GRIN2B: variants seen among roughly 807,000 people sequenced by gnomAD.
GRIN2B encodes the protein glutamate receptor ionotropic, NMDA 2B.
A neutral mutation model predicts 114.5 loss-of-function variants in GRIN2B; 5 were observed. The observed-to-expected ratio is 0.04, with a 90% CI of 0.02 to 0.09. GRIN2B has a LOEUF of 0.09. GRIN2B is among the 10% of genes least tolerant of loss of function. GRIN2B has a pLI of 1.00. For missense variants in GRIN2B, 1,108 were observed against 1,943.5 expected (o/e 0.57, Z 8.08); for synonymous variants, 787 against 745.1 (o/e 1.06, Z -0.92).
intron 12 of GRIN2B, 93 bp from the exon 13 acceptor site, chr12:13,567,356 G>C (rs1948654912): frequency 3.7e-6 from 3 of 816,344 alleles, no homozygotes; most frequent in Non-Finnish European, 6.2e-6. Context: ...GCAAGAAAGA[G>C]AAAGATACGT....
intron 10 of GRIN2B, among the ~76,000 whole-genome samples, chr12:13,587,471 C>T (rs1450699715): frequency 6.6e-6 from 1 of 151,950 alleles, no homozygotes; most frequent in African/African-American, 2.4e-5. Context: ...CTTCCCACCT[C>T]AGCCTCCCAA....
chr12:13,824,583 G>A (rs1314506523), intron 3 of GRIN2B, among the ~76,000 whole-genome samples: 4 of 152,032 alleles, frequency 2.6e-5, no homozygotes, highest in Admixed American at 6.5e-5. Context: ...GGCCAGGCGC[G>A]GTGGCTCACG....
Position 13,559,575 on chromosome 12 carries a change from C to A in GRIN2B, c.*3208G>T, listed in dbSNP as rs745331687. On this transcript the variant is annotated 3_prime_UTR_variant, in exon 14 of 14. Transcript: ENST00000609686. ...ACATACCCACCCTCCCACGTCTAAACCTAACTTCAGCAATCTTGCTAAGGG... is the reference window on the plus strand; with the variant it reads ...ACATACCCACCCTCCCACGTCTAAAACTAACTTCAGCAATCTTGCTAAGGG... 2.6e-5 allele frequency: 4 copies of A among 152,236 alleles called. No individual in the cohort carries two copies. The highest frequency in any genetic ancestry group is 1.5e-5 in the Non-Finnish European group (1 of 68,038). The allele number at this position is 152,236 out of a possible 1,614,324, so 9.4% of individuals were successfully genotyped here. A position where few individuals can be genotyped will look rare whatever the true frequency, so the allele number is the denominator to read the frequency against.
chr12:13,769,630 A>G (rs1377461407), intron 3 of GRIN2B, among the ~76,000 whole-genome samples: 5 of 152,242 alleles, frequency 3.3e-5, no homozygotes, highest in African/African-American at 1.2e-4. Context: ...TTGAAGATTT[A>G]TAGTTTGCTT....
chr12:13,845,105 A>G (rs1865446786), intron 3 of GRIN2B, among the ~76,000 whole-genome samples: 1 of 152,164 alleles, frequency 6.6e-6, no homozygotes, highest in Non-Finnish European at 1.5e-5. Flanking sequence ...GGAGGAAATA[A>G]AAGAACTATC....
chr12:13,550,228 A>C lies in GRIN2B; in HGVS notation c.*12555T>G, dbSNP rs893626247. On this transcript the variant is annotated 3_prime_UTR_variant, in exon 14 of 14. Transcript: ENST00000609686. ...ACATACCAACTACTGTGATTTACTC[A>C]GAATGTACCATAGGCTAAGTGTGGT... 56 of 152,204 alleles carry C rather than the reference A, an allele frequency of 3.7e-4. No individual in the cohort carries two copies. Among genetic ancestry groups the C allele is most frequent in the African/African-American group, 1.4e-3 (56 of 41,454 alleles). The allele number at this position is 152,204 out of a possible 1,614,324, so 9.4% of individuals were successfully genotyped here. A position where few individuals can be genotyped will look rare whatever the true frequency, so the allele number is the denominator to read the frequency against.
intron 4 of GRIN2B, among the ~76,000 whole-genome samples, chr12:13,688,463 A>T (rs1950189220): frequency 6.6e-6 from 1 of 152,126 alleles, no homozygotes; most frequent in Admixed American, 6.6e-5. Context: ...TAATTAGAGA[A>T]CCCCAGTCTC....
At chr12:13,949,422 G>A (rs567410387) in intron 2 of GRIN2B, among the ~76,000 whole-genome samples, 14 of 152,230 alleles carry the variant, frequency 9.2e-5, no homozygotes, top group African/African-American at 3.1e-4. Flanking sequence ...CTCCAGGGTT[G>A]CTACAGGTTT....
In GRIN2B at chr12:13,663,334, T is replaced by G. The variant is rs150791979; in HGVS notation, c.1125+12411A>C. 1.9e-4 allele frequency among the ~76,000 whole-genome samples: 29 copies of G among 152,240 alleles called. No homozygotes were observed. The East Asian group carries it at 3.9e-3, about 20-fold the overall frequency. Reference sequence around the variant, plus strand: ...TATCTGCTGCAGAATAAGGAAGACATAAAGGGAAAATTGGCAATTCTTTAA... The same window carrying G: ...TATCTGCTGCAGAATAAGGAAGACAGAAAGGGAAAATTGGCAATTCTTTAA... On this transcript the variant is annotated intron_variant, in intron 5 of 13. Transcript: ENST00000609686.
chr12:13,793,190 TGAGGCCAGGAGCTC>T (rs1237092706), intron 3 of GRIN2B, among the ~76,000 whole-genome samples: 4 of 152,168 alleles, frequency 2.6e-5, no homozygotes, highest in African/African-American at 7.2e-5. Flanking sequence ...GCAGATGGCA[TGAGGCCAGGAGCTC>T]GAGGCCAGGA....
At chr12:13,654,587 C>A (rs969115766) in intron 5 of GRIN2B, among the ~76,000 whole-genome samples, 7 of 152,108 alleles carry the variant, frequency 4.6e-5, no homozygotes, top group African/African-American at 1.7e-4. Flanking sequence ...CTGCTGGCTG[C>A]CAATGCGTCA....
At chr12:13,914,755 C>T (rs1866683919) in intron 2 of GRIN2B, among the ~76,000 whole-genome samples, 1 of 152,128 alleles carries the variant, frequency 6.6e-6, no homozygotes, top group African/African-American at 2.4e-5. Flanking sequence ...AAAATGAAGT[C>T]CTGTCATTTG....
At chr12:13,935,146 A>C (rs985996338) in intron 2 of GRIN2B, among the ~76,000 whole-genome samples, 1 of 152,224 alleles carries the variant, frequency 6.6e-6, no homozygotes, top group Non-Finnish European at 1.5e-5. Flanking sequence ...AGATTAACTT[A>C]GGGTTTTAAA....
chr12:13,822,730 A>T (rs568322100), intron 3 of GRIN2B, among the ~76,000 whole-genome samples: 8 of 152,270 alleles, frequency 5.3e-5, no homozygotes, highest in African/African-American at 1.9e-4. Flanking sequence ...ACACATTTTA[A>T]GTCAAAATAT....
At chr12:13,721,722 A>T (rs1862883441) in intron 4 of GRIN2B, among the ~76,000 whole-genome samples, 1 of 152,058 alleles carries the variant, frequency 6.6e-6, no homozygotes, top group Non-Finnish European at 1.5e-5. Context: ...CAAGTTGTAG[A>T]TGTGTACCTG....
intron 3 of GRIN2B, among the ~76,000 whole-genome samples, chr12:13,841,763 A>G (rs769160229): frequency 3.3e-5 from 5 of 152,124 alleles, no homozygotes; most frequent in Admixed American, 6.6e-5. Flanking sequence ...AATAAAAACA[A>G]TGTATTGGGT....
At chr12:13,701,381 A>G (rs944607349) in intron 4 of GRIN2B, among the ~76,000 whole-genome samples, 21 of 152,136 alleles carry the variant, frequency 1.4e-4, no homozygotes, top group African/African-American at 5.1e-4. Flanking sequence ...TAATCCTGTC[A>G]AAGCAATACT....
chr12:13,581,564 C>T (rs886816914), intron 10 of GRIN2B, among the ~76,000 whole-genome samples: 2 of 152,078 alleles, frequency 1.3e-5, no homozygotes, highest in South Asian at 4.1e-4. Flanking sequence ...GTTCCATGGC[C>T]CATAAGTGCT....
At chr12:13,581,802 C>T (rs563413988) in intron 10 of GRIN2B, among the ~76,000 whole-genome samples, 10 of 149,860 alleles carry the variant, frequency 6.7e-5, no homozygotes, top group Non-Finnish European at 1.0e-4. Flanking sequence ...CCCAGCTACT[C>T]GGGAGGCTGA....
Sources: allele counts gnomAD v4.1 joint callset (sites outside exome capture counted in the v4.1 genomes callset), GRCh38; gene constraint gnomAD v4.1.1; transcripts MANE v1.5; gene names NCBI Gene and HGNC (gene_info 2026-07-23, HGNC 2026-07-21).